DGKB: variants seen among roughly 807,000 people sequenced by gnomAD.
DGKB encodes 90 kDa diacylglycerol kinase.
Under a neutral mutation model 114.3 loss-of-function variants are expected in DGKB, and 67 were observed. The observed-to-expected ratio is 0.59, with a 90% CI of 0.48 to 0.72. The LOEUF (loss-of-function observed/expected upper bound fraction) is 0.72, where lower values mean the gene tolerates loss of function less well. Ranked by LOEUF, DGKB falls within the 30% of genes least tolerant of loss-of-function variation. DGKB has a pLI of 0.00. For synonymous variants in DGKB, 398 were observed against 323.1 expected, an observed-to-expected ratio of 1.23 and a Z score of -2.49; for missense variants, 907 against 975.2, an observed-to-expected ratio of 0.93 and a Z score of 0.93.
intron 20 of DGKB, among the ~76,000 whole-genome samples, chr7:14,499,499 C>T (rs1366563874): frequency 6.6e-6 from 1 of 151,770 alleles, no homozygotes; most frequent in East Asian, 1.9e-4. Flanking sequence ...TCTCTCCCTT[C>T]TGGCTTAAGT....
chr7:14,524,992 AC>A (rs76004457), intron 20 of DGKB, among the ~76,000 whole-genome samples: 26,195 of 151,916 alleles, frequency 0.17, 3,234 homozygotes, highest in East Asian at 0.54. Flanking sequence ...AATAAAATTG[AC>A]ACACTGTTGA....
intron 20 of DGKB, among the ~76,000 whole-genome samples, chr7:14,541,059 A>T (rs572712142): frequency 6.6e-6 from 1 of 152,222 alleles, no homozygotes; most frequent in Admixed American, 6.5e-5. Flanking sequence ...CACTAGTAGC[A>T]GGTAGTTGAC....
chr7:14,414,232 T>C (rs11769240), intron 21 of DGKB, among the ~76,000 whole-genome samples: 28,884 of 151,992 alleles, frequency 0.19, 2,915 homozygotes, highest in African/African-American at 0.22. Flanking sequence ...TAGAACAAGT[T>C]CGAGATAAGT....
At chr7:14,195,558 C>T (rs181179407) in intron 23 of DGKB, among the ~76,000 whole-genome samples, 38 of 152,262 alleles carry the variant, frequency 2.5e-4, no homozygotes, top group East Asian at 1.7e-3. Context: ...TATGACTACA[C>T]GGTCTTTACA....
intron 1 of DGKB, among the ~76,000 whole-genome samples, chr7:14,941,661 C>A (rs1785579469): frequency 6.6e-6 from 1 of 151,898 alleles, no homozygotes; most frequent in Admixed American, 6.6e-5. Flanking sequence ...AATGTAAAAA[C>A]CAATCGATCT....
intron 2 of DGKB, among the ~76,000 whole-genome samples, chr7:14,833,296 C>T (rs190887535): frequency 1.1e-3 from 168 of 152,230 alleles, no homozygotes; most frequent in African/African-American, 3.9e-3. Flanking sequence ...TACAATTTTG[C>T]TATCTCCAGA....
At chr7:14,201,310 C>G (rs1414205353) in intron 23 of DGKB, among the ~76,000 whole-genome samples, 1 of 151,888 alleles carries the variant, frequency 6.6e-6, no homozygotes, top group Non-Finnish European at 1.5e-5. Context: ...GTAACATCAC[C>G]TAGGGGTTAG....
intron 21 of DGKB, among the ~76,000 whole-genome samples, chr7:14,394,155 A>T (rs1290521804): frequency 6.6e-6 from 1 of 152,148 alleles, no homozygotes; most frequent in Non-Finnish European, 1.5e-5. Flanking sequence ...TCAGCATATT[A>T]ACTTTTGCCT....
chr7:14,193,874 A>G (rs2128278383), intron 23 of DGKB, among the ~76,000 whole-genome samples: 1 of 152,276 alleles, frequency 6.6e-6, no homozygotes, highest in South Asian at 2.1e-4. Flanking sequence ...CCTCATTTTA[A>G]AAATGGGCAA....
intron 19 of DGKB, among the ~76,000 whole-genome samples, chr7:14,579,288 T>C (rs1460337307): frequency 2.0e-5 from 3 of 152,194 alleles, no homozygotes; most frequent in Non-Finnish European, 4.4e-5. Flanking sequence ...AGGGAATTCA[T>C]CACTAATAGA....
Position 14,607,481 on chromosome 7 carries a change from T to A in DGKB, c.1386A>T (p.Leu462Phe). Residue 462 changes from leucine to phenylalanine, a missense_variant, in exon 17 of 26, where the codon TTA becomes TTT. Transcript: ENST00000402815. ...ERIYRKFQYL[L>F]NPRQVYSLSG... ...AAAGACTGTAAACCTGACGAGGATT[T>A]AATAGATACTGGAATTTTCTGTAAA... The A allele has an allele frequency of 6.3e-7, 1 of 1,585,002 alleles. No individual in the cohort carries two copies. The highest frequency in any genetic ancestry group is 1.7e-5 in the Admixed American group (1 of 59,228).
intron 23 of DGKB, among the ~76,000 whole-genome samples, chr7:14,197,457 T>G (rs947348362): frequency 2.6e-5 from 4 of 152,178 alleles, no homozygotes; most frequent in Admixed American, 2.0e-4. Context: ...TGTTCCCAGT[T>G]TCTGTATTTT....
Position 14,634,927 on chromosome 7 carries a change from T to G in DGKB, c.1135-4659A>C, listed in dbSNP as rs190501403. ...CGTGAGATAAAAATGATTTTAATAC[T>G]ATTGTTGTCTTTATTAAAACCTTTA... On this transcript the variant is annotated intron_variant, in intron 13 of 25. Transcript: ENST00000402815. 6.1e-4 allele frequency among the ~76,000 whole-genome samples: 93 copies of G among 151,728 alleles called. 1 individual carries two copies. The highest frequency in any genetic ancestry group is 2.0e-3 in the African/African-American group (83 of 41,534).
intron 23 of DGKB, among the ~76,000 whole-genome samples, chr7:14,230,072 G>A (rs941365917): frequency 7.9e-5 from 12 of 151,844 alleles, no homozygotes; most frequent in Non-Finnish European, 1.2e-4. Flanking sequence ...TTCTACTGTT[G>A]TTACTTCCTA....
At chr7:14,579,850 TG>T (rs1317317044) in intron 19 of DGKB, among the ~76,000 whole-genome samples, 1 of 151,972 alleles carries the variant, frequency 6.6e-6, no homozygotes, top group African/African-American at 2.4e-5. Context: ...ATGTCTGGGG[TG>T]GGGTCAGGCC....
intron 2 of DGKB, among the ~76,000 whole-genome samples, chr7:14,835,476 C>T (rs1847023058): frequency 6.6e-6 from 1 of 152,200 alleles, no homozygotes; most frequent in Non-Finnish European, 1.5e-5. Flanking sequence ...TTCTCAGACA[C>T]TGCGAAATGG....
chr7:14,483,278 T>C (rs1346231470), intron 20 of DGKB, among the ~76,000 whole-genome samples: 1 of 152,154 alleles, frequency 6.6e-6, no homozygotes, highest in African/African-American at 2.4e-5. Context: ...ACAACTGTGA[T>C]ACTATGCTTT....
At chr7:14,891,185 G>A (rs867154660) in intron 1 of DGKB, among the ~76,000 whole-genome samples, 4 of 151,318 alleles carry the variant, frequency 2.6e-5, no homozygotes, top group African/African-American at 7.3e-5. Context: ...GCGCGAAACC[G>A]CTAATAGTAC....
chr7:14,681,042 T>C (rs1303191393), intron 12 of DGKB, among the ~76,000 whole-genome samples: 3 of 151,712 alleles, frequency 2.0e-5, no homozygotes, highest in Non-Finnish European at 2.9e-5. Flanking sequence ...ATTCACTATA[T>C]GAAAAAAATA....
Sources: gnomAD v4.1 joint callset for allele counts (sites outside exome capture counted in the v4.1 genomes callset) on GRCh38, gnomAD v4.1.1 for gene constraint, MANE v1.5 for transcripts, NCBI Gene and HGNC (gene_info 2026-07-23, HGNC 2026-07-21) for gene names.